The following SI variants were observed in gnomAD, a reference collection of about 807,000 sequenced individuals.
SI encodes sucrase-isomaltase, intestinal.
A neutral mutation model predicts 253.3 loss-of-function variants in SI; 235 were observed. The observed-to-expected ratio is 0.93, with a 90% confidence interval of 0.83 to 1.03. SI has a LOEUF of 1.03. Ranked by LOEUF, SI falls within the 50% of genes least tolerant of loss-of-function variation. The pLI, the probability that SI is intolerant of heterozygous loss-of-function variation, is 0.00. For missense variants in SI, 2,442 were observed against 2,211.1 expected (o/e 1.10, Z -2.09); for synonymous variants, 819 against 712.0 (o/e 1.15, Z -2.39).
chr3:165,061,050 A>G (rs1315502848), intron 9 of SI, among the ~76,000 whole-genome samples: 1 of 151,646 alleles, frequency 6.6e-6, no homozygotes, highest in African/African-American at 2.4e-5. Flanking sequence ...CTCAAGAATT[A>G]GTATGTTTTA....
At chr3:165,057,610 A>G (rs1576914462) in intron 12 of SI, among the ~76,000 whole-genome samples, 1 of 152,022 alleles carries the variant, frequency 6.6e-6, no homozygotes, top group East Asian at 1.9e-4. Context: ...CAAATAACAT[A>G]CAAAGGAGCT....
intron 16 of SI, 141 bp from the exon 17 acceptor site, chr3:165,043,316 T>G: frequency 3.3e-6 from 2 of 608,808 alleles, no homozygotes; most frequent in Non-Finnish European, 5.8e-6. Flanking sequence ...TTAAACCAAT[T>G]TATTTTCCAT....
Position 164,983,058 on chromosome 3 carries a change from A to G in SI, c.5198-7T>C, listed in dbSNP as rs200924086. ...AGGTCTCTTTCATAGGTGTCTGTAG[A>G]GAGAGAAAAAAAATGTGATATATTG... On this transcript the variant is annotated splice_region_variant and splice_polypyrimidine_tract_variant and intron_variant, in intron 45 of 47. Transcript: ENST00000264382. 96 of 1,541,982 alleles carry G rather than the reference A, an allele frequency of 6.2e-5. No individual in the cohort carries two copies. The highest frequency in any genetic ancestry group is 5.2e-4 in the Middle Eastern group (3 of 5,758).
rs1292890680 is a variant in SI at position 164,996,784 on chromosome 3, A to G, written c.4541-12T>C. 1 of 986,680 alleles carries G rather than the reference A, an allele frequency of 1.0e-6. No individual in the cohort carries two copies. Among genetic ancestry groups the G allele is most frequent in the Non-Finnish European group, 1.5e-6 (1 of 647,980 alleles). The allele number at this position is 986,680 out of a possible 1,614,324, so 61.1% of individuals were successfully genotyped here. On this transcript the variant is annotated splice_polypyrimidine_tract_variant and intron_variant, in intron 38 of 47. Coordinates refer to ENST00000264382, the MANE Select transcript of SI (RefSeq NM_001041.4). ...AAATTCCATCATACCTGAAAAAGTT[A>G]GAAAAAATATCTTAGAAAGTTATTA...
At chr3:165,052,588 C>T (rs948689964) in intron 13 of SI, among the ~76,000 whole-genome samples, 9 of 151,942 alleles carry the variant, frequency 5.9e-5, no homozygotes, top group African/African-American at 1.4e-4. Context: ...ACCTGGGTGG[C>T]GGAGGTTGCA....
At chr3:165,038,954 G>A in intron 20 of SI, 124 bp downstream of exon 20, 1 of 613,558 alleles carries the variant, frequency 1.6e-6, no homozygotes, top group Admixed American at 3.1e-5. Flanking sequence ...ATTTTTTATA[G>A]TAATGACAGA....
intron 25 of SI, among the ~76,000 whole-genome samples, chr3:165,026,816 A>G (rs754453880): frequency 4.6e-5 from 7 of 151,282 alleles, no homozygotes; most frequent in Non-Finnish European, 8.9e-5. Context: ...GGGATACAAC[A>G]TACGCAGTAC....
chr3:165,031,577 A>G (rs1300901586), intron 24 of SI, among the ~76,000 whole-genome samples: 2 of 150,208 alleles, frequency 1.3e-5, no homozygotes, highest in African/African-American at 4.8e-5. Flanking sequence ...TAAATAAAAA[A>G]TAATTGACCA....
Position 165,074,575 on chromosome 3 carries a change from C to G in SI, c.211G>C (p.Val71Leu). ...GKCPNVLNDP[V>L]NVRINCIPEQ... ...GGAATGCAGTTTATTCTCACATTGACAGGATCATTTAACACATTTGGACAT... is the reference window on the plus strand; with the variant it reads ...GGAATGCAGTTTATTCTCACATTGAGAGGATCATTTAACACATTTGGACAT... The change falls in exon 3 of 48, where the codon GTC (valine) becomes CTC (leucine). Residue 71 changes from valine to leucine, a missense_variant. Coordinates refer to ENST00000264382, the MANE Select transcript of SI (RefSeq NM_001041.4). The G allele has an allele frequency of 1.2e-6, 2 of 1,610,016 alleles. No homozygotes were observed. Among genetic ancestry groups the G allele is most frequent in the Non-Finnish European group, 1.7e-6 (2 of 1,177,456 alleles).
chr3:165,003,386 C>T (rs1718347381), intron 37 of SI, among the ~76,000 whole-genome samples: 1 of 151,742 alleles, frequency 6.6e-6, no homozygotes, highest in Admixed American at 6.6e-5. Context: ...TAATTATGCC[C>T]CAATATTGTG....
At chr3:165,043,018 T>C (rs768751887) in intron 17 of SI, 41 bp downstream of exon 17, 1 of 1,152,592 alleles carries the variant, frequency 8.7e-7, no homozygotes, top group South Asian at 1.2e-5. Flanking sequence ...AAAACTATGG[T>C]TGTTTTTTAT....
intron 37 of SI, among the ~76,000 whole-genome samples, chr3:165,003,671 T>A (rs1718362945): frequency 6.6e-6 from 1 of 152,084 alleles, no homozygotes; most frequent in African/African-American, 2.4e-5. Flanking sequence ...AGAACAGAAG[T>A]TTTCAACCCT....
chr3:164,982,577 T>A (rs185803530), intron 46 of SI, among the ~76,000 whole-genome samples, 167 bp from the exon 47 acceptor site: 183 of 152,254 alleles, frequency 1.2e-3, no homozygotes, highest in African/African-American at 3.9e-3. Flanking sequence ...AAACTTCAAA[T>A]TTTCTTCCTT....
At chr3:165,082,232 C>T (rs1292789904), upstream of SI, among the ~76,000 whole-genome samples, 2 of 151,878 alleles carry the variant, frequency 1.3e-5, no homozygotes, top group African/African-American at 2.4e-5. Flanking sequence ...CTTTTAATTC[C>T]TTTTTGTTAA....
At chr3:165,045,312 G>A (rs1713046512) in intron 16 of SI, among the ~76,000 whole-genome samples, 2 of 151,970 alleles carry the variant, frequency 1.3e-5, no homozygotes, top group African/African-American at 2.4e-5. Flanking sequence ...TTATTGAACA[G>A]GGTATATCTT....
chr3:165,029,069 A>T (rs1712081948), intron 25 of SI, among the ~76,000 whole-genome samples: 1 of 151,358 alleles, frequency 6.6e-6, no homozygotes, highest in Non-Finnish European at 1.5e-5. Flanking sequence ...AACTCAAATA[A>T]TTTAGCAGGA....
intron 44 of SI, 64 bp from the exon 45 acceptor site, chr3:164,987,290 T>C (rs548775803): frequency 4.8e-5 from 63 of 1,323,232 alleles, no homozygotes; most frequent in African/African-American, 7.2e-5. Context: ...AGTTATGATA[T>C]GACATCCACA....
intron 9 of SI, 21 bp downstream of exon 9, chr3:165,062,350 T>C: frequency 8.0e-7 from 1 of 1,248,638 alleles, no homozygotes; most frequent in Non-Finnish European, 1.2e-6. Flanking sequence ...AAAAATTTTA[T>C]AAAATAGACC....
At chr3:165,060,322 T>C (rs762225460) in intron 9 of SI, among the ~76,000 whole-genome samples, 2 of 151,910 alleles carry the variant, frequency 1.3e-5, no homozygotes, top group African/African-American at 2.4e-5. Flanking sequence ...TTGTCTATTG[T>C]AGAAAGTTAA....
Sources: gnomAD v4.1 joint callset for allele counts (sites outside exome capture counted in the v4.1 genomes callset) on GRCh38, gnomAD v4.1.1 for gene constraint, MANE v1.5 for transcripts, NCBI Gene and HGNC (gene_info 2026-07-23, HGNC 2026-07-21) for gene names.